Variants in CDH20 observed in about 807,000 individuals in gnomAD.
CDH20 encodes cadherin-20.
A neutral mutation model predicts 74.2 loss-of-function variants in CDH20; 29 were observed. The ratio of observed to expected loss-of-function variants is 0.39; its 90% CI spans 0.29 to 0.53. CDH20 has a LOEUF of 0.53. Ranked by LOEUF, CDH20 falls within the 20% of genes least tolerant of loss-of-function variation. CDH20 has a pLI of 0.69. For synonymous variants in CDH20, 469 were observed against 405.4 expected (o/e 1.16, Z -1.88); for missense variants, 988 against 1,048.3 (o/e 0.94, Z 0.79).
At chr18:61,469,385 A>G (rs1475306419) in intron 1 of CDH20, among the ~76,000 whole-genome samples, 1 of 151,618 alleles carries the variant, frequency 6.6e-6, no homozygotes, top group South Asian at 2.1e-4. Context: ...ACACACACAC[A>G]CACACACACA....
At chr18:61,538,879 G>A (rs567006585) in intron 8 of CDH20, 145 bp from the exon 9 acceptor site, 15 of 763,990 alleles carry the variant, frequency 2.0e-5, no homozygotes, top group South Asian at 9.0e-5. Context: ...TGATCCTCCC[G>A]CCTCGGCCTC....
chr18:61,535,129 A>G (rs1306127231), intron 7 of CDH20, among the ~76,000 whole-genome samples: 1 of 152,076 alleles, frequency 6.6e-6, no homozygotes, highest in East Asian at 1.9e-4. Context: ...CCGACTGGCC[A>G]ACGTGGCAAA....
chr18:61,437,101 G>A (rs372557975), intron 1 of CDH20, among the ~76,000 whole-genome samples: 36 of 152,274 alleles, frequency 2.4e-4, no homozygotes, highest in African/African-American at 7.9e-4. Context: ...CTTGGTAATT[G>A]TTCAACAGTC....
At chr18:61,392,324 G>A (rs940461030) in intron 1 of CDH20, among the ~76,000 whole-genome samples, 11 of 152,180 alleles carry the variant, frequency 7.2e-5, no homozygotes, top group African/African-American at 2.4e-4. Context: ...ATGTCCTCAG[G>A]GAAGTCTTCC....
Position 61,485,503 on chromosome 18 carries a change from C to T in CDH20, c.-152-4899C>T, listed in dbSNP as rs373956141. Among the ~76,000 whole-genome samples the T allele has an allele frequency of 3.3e-5, 5 of 152,176 alleles. No individual in the cohort carries two copies. In the East Asian group the frequency reaches 7.8e-4, roughly 24 times the overall value. The stretch of plus-strand genomic sequence containing the variant: ...TTTGGGTAGGCTGGTGAGTTGATGA[C>T]CACAAAAGAGCCATGGAGCTTCCAC... On this transcript the variant is annotated intron_variant, in intron 1 of 11. Coordinates refer to ENST00000262717, the MANE Select transcript of CDH20 (RefSeq NM_031891.4).
At chr18:61,446,993 G>A (rs778508314) in intron 1 of CDH20, among the ~76,000 whole-genome samples, 1 of 152,198 alleles carries the variant, frequency 6.6e-6, no homozygotes, top group Non-Finnish European at 1.5e-5. Context: ...TTTTCAATCT[G>A]CACAGGAGTA....
chr18:61,393,218 A>G (rs1400345775), intron 1 of CDH20, among the ~76,000 whole-genome samples: 1 of 152,182 alleles, frequency 6.6e-6, no homozygotes, highest in Admixed American at 6.6e-5. Flanking sequence ...GGGAAGATCA[A>G]CTACCCCTTC....
intron 1 of CDH20, among the ~76,000 whole-genome samples, chr18:61,352,625 A>G (rs1373538105): frequency 6.6e-6 from 1 of 152,206 alleles, no homozygotes; most frequent in Non-Finnish European, 1.5e-5. Context: ...GATTCTCCCA[A>G]TCTAAATGTA....
chr18:61,425,410 G>A (rs924443346), intron 1 of CDH20, among the ~76,000 whole-genome samples: 6 of 152,160 alleles, frequency 3.9e-5, no homozygotes, highest in African/African-American at 1.2e-4. Flanking sequence ...TGTGAGGAAC[G>A]GCTGAGGGGG....
chr18:61,382,183 C>A (rs1442070658), intron 1 of CDH20, among the ~76,000 whole-genome samples: 3 of 152,268 alleles, frequency 2.0e-5, no homozygotes, highest in East Asian at 3.9e-4. Flanking sequence ...TTTTAAATCA[C>A]CCTTCAAAAA....
At chr18:61,468,371 G>A (rs994243554) in intron 1 of CDH20, among the ~76,000 whole-genome samples, 2 of 152,178 alleles carry the variant, frequency 1.3e-5, no homozygotes, top group Non-Finnish European at 2.9e-5. Flanking sequence ...ATACGCTAAG[G>A]ATGTTCTGAG....
intron 1 of CDH20, among the ~76,000 whole-genome samples, chr18:61,446,849 A>G (rs535070155): frequency 3.3e-5 from 5 of 152,216 alleles, no homozygotes; most frequent in Non-Finnish European, 7.3e-5. Context: ...GCTCATCCTA[A>G]AGACAGAACT....
At position 61,334,549 on chromosome 18, in the gene CDH20, AG is replaced by A. The variant is rs527426714; in HGVS notation, c.-153+727del. The stretch of plus-strand genomic sequence containing the variant: ...TACTCTGGGGGAAGAGCCGGGGGCA[AG>A]GGGGTCAAATGGGGCTAAAGTTTCA... On this transcript the variant is annotated intron_variant, in intron 1 of 11. Transcript: ENST00000262717. 4.4e-3 allele frequency among the ~76,000 whole-genome samples: 666 copies of A among 152,052 alleles called. 1 individual carries two copies. The highest frequency in any genetic ancestry group is 7.6e-3 in the Non-Finnish European group (517 of 67,954).
intron 1 of CDH20, among the ~76,000 whole-genome samples, chr18:61,350,097 T>C (rs1010876176): frequency 6.6e-6 from 1 of 151,992 alleles, no homozygotes; most frequent in South Asian, 2.1e-4. Context: ...TGCTCCTGCT[T>C]GTACAGTATA....
intron 1 of CDH20, among the ~76,000 whole-genome samples, chr18:61,469,466 G>T (rs1910087623): frequency 6.6e-6 from 1 of 151,854 alleles, no homozygotes; most frequent in Admixed American, 6.6e-5. Context: ...CAGGTGATCT[G>T]GCTGCTTCAG....
intron 1 of CDH20, among the ~76,000 whole-genome samples, chr18:61,469,775 T>G (rs1172095745): frequency 6.6e-6 from 1 of 152,192 alleles, no homozygotes. Context: ...TCCAGTTACC[T>G]ATATACACAT....
chr18:61,440,885 G>C (rs1173576012), intron 1 of CDH20, among the ~76,000 whole-genome samples: 1 of 152,150 alleles, frequency 6.6e-6, no homozygotes, highest in Non-Finnish European at 1.5e-5. Context: ...CAAATTCAAA[G>C]AGTCAAGGGA....
intron 8 of CDH20, among the ~76,000 whole-genome samples, chr18:61,538,596 G>GTTTTTTTTTTT (rs533711893): frequency 1.2e-4 from 3 of 24,516 alleles, no homozygotes; most frequent in South Asian, 2.4e-3. Context: ...TTGTTTGTTT[G>GTTTTTTTTTTT]TTTTTGTTTT....
Position 61,465,625 on chromosome 18 carries a change from T to C in CDH20, c.-152-24777T>C, listed in dbSNP as rs142780844. ...AAAAAAAAAAAAGAACTACGTGGGT[T>C]GGAATTTTGTTTTCAAATCAAGTGA... On this transcript the variant is annotated intron_variant, in intron 1 of 11. Transcript: ENST00000262717. Among the ~76,000 whole-genome samples the C allele has an allele frequency of 1.1e-3, 163 of 150,228 alleles. 2 individuals are homozygous for C. Among genetic ancestry groups the C allele is most frequent in the African/African-American group, 3.9e-3 (160 of 41,004 alleles).
Sources: gnomAD v4.1 joint callset for allele counts (sites outside exome capture counted in the v4.1 genomes callset) on GRCh38, gnomAD v4.1.1 for gene constraint, MANE v1.5 for transcripts, NCBI Gene and HGNC (gene_info 2026-07-23, HGNC 2026-07-21) for gene names.